FARS2: variants seen among roughly 807,000 people sequenced by gnomAD.
FARS2 encodes the protein phenylalanine--tRNA ligase, mitochondrial.
FARS2 carries 40 observed loss-of-function variants against 46.4 expected under a neutral mutation model. That is an observed-to-expected ratio of 0.86 (90% CI 0.67 to 1.12). The LOEUF (loss-of-function observed/expected upper bound fraction) is 1.12, where lower values mean the gene tolerates loss of function less well. Ranked by LOEUF, FARS2 falls within the 50% of genes most tolerant of loss-of-function variation. The pLI, the probability that FARS2 is intolerant of heterozygous loss-of-function variation, is 0.00. For synonymous variants in FARS2, 234 were observed against 214.9 expected, an observed-to-expected ratio of 1.09 and a Z score of -0.78; for missense variants, 513 against 567.9, an observed-to-expected ratio of 0.90 and a Z score of 0.98.
Position 5,343,221 on chromosome 6 carries a change from T to C in FARS2, c.-21-25329T>C, listed in dbSNP as rs981318185. ...TACATTTCATTTATTTATCTATTTA[T>C]TTATTTAGAGATGGAATTTCGCTCT... is the stretch of plus-strand genomic sequence containing the variant. On this transcript the variant is annotated intron_variant, in intron 1 of 6. Transcript: ENST00000274680. This position sits in a 1 kb window ranked among gnomAD's most constrained non-coding sequence, Gnocchi z 4.5. Among the ~76,000 whole-genome samples, 1 of 152,200 alleles carries C rather than the reference T, an allele frequency of 6.6e-6. No individual in the cohort carries two copies. The highest frequency in any genetic ancestry group is 2.4e-5 in the African/African-American group (1 of 41,438).
chr6:5,281,501 GT>G (rs1766720588), intron 1 of FARS2, among the ~76,000 whole-genome samples: 1 of 152,030 alleles, frequency 6.6e-6, no homozygotes, highest in East Asian at 1.9e-4. Context: ...CCATTTTTAA[GT>G]GTGCAGTTCA....
At chr6:5,725,233 T>A (rs1348379856) in intron 6 of FARS2, among the ~76,000 whole-genome samples, 2 of 152,170 alleles carry the variant, frequency 1.3e-5, no homozygotes, top group African/African-American at 4.8e-5. Context: ...GATGGCGTGA[T>A]GACTTTGAAC....
rs773648691 is a variant in FARS2, at chr6:5,404,710, T to C, written c.772+9T>C. 1.9e-6 allele frequency: 3 copies of C among 1,563,666 alleles called. No homozygotes were observed. Among genetic ancestry groups the C allele is most frequent in the South Asian group, 1.2e-5 (1 of 81,906 alleles). ...ACATCTTTTTGGAGATGGTAAGTGC[T>C]CAAACACAGGTTGACGATCTCTTAT... is the stretch of plus-strand genomic sequence containing the variant. On this transcript the variant is annotated intron_variant, in intron 3 of 6. Coordinates refer to ENST00000274680, the MANE Select transcript of FARS2 (RefSeq NM_006567.5).
At chr6:5,362,773 CAGGTGTA>C (rs768687849) in intron 1 of FARS2, among the ~76,000 whole-genome samples, 9 of 152,084 alleles carry the variant, frequency 5.9e-5, no homozygotes, top group Non-Finnish European at 1.0e-4. Flanking sequence ...GCGGTTCTAA[CAGGTGTA>C]AAGTGTATCT....
intron 5 of FARS2, among the ~76,000 whole-genome samples, chr6:5,578,414 C>T (rs1435844042): frequency 2.6e-5 from 4 of 152,076 alleles, no homozygotes. Flanking sequence ...GTGTGAATGG[C>T]TGTGAAAAAG....
At chr6:5,601,590 G>A (rs1257398443) in intron 5 of FARS2, among the ~76,000 whole-genome samples, 1 of 149,436 alleles carries the variant, frequency 6.7e-6, no homozygotes, top group Non-Finnish European at 1.5e-5. Context: ...GGGGTTAACA[G>A]CATAGCCTGG....
chr6:5,409,852 T>G (rs1037910151), intron 3 of FARS2, among the ~76,000 whole-genome samples: 3 of 152,214 alleles, frequency 2.0e-5, no homozygotes, highest in African/African-American at 7.2e-5. Context: ...CTGGTGTGTT[T>G]CTGCCGGTTG....
At chr6:5,622,467 G>T (rs1196897116) in intron 6 of FARS2, among the ~76,000 whole-genome samples, 2 of 152,210 alleles carry the variant, frequency 1.3e-5, no homozygotes, top group Non-Finnish European at 2.9e-5. Context: ...TGTCAAACAG[G>T]AATCTCTATT....
intron 4 of FARS2, among the ~76,000 whole-genome samples, chr6:5,472,827 CT>C (rs1213565258): frequency 6.6e-6 from 1 of 152,042 alleles, no homozygotes; most frequent in African/African-American, 2.4e-5. Flanking sequence ...AAAAAGAAGC[CT>C]TGTGATGTCA....
intron 1 of FARS2, among the ~76,000 whole-genome samples, chr6:5,331,721 T>G (rs1770811419): frequency 6.6e-6 from 1 of 152,042 alleles, no homozygotes; most frequent in Admixed American, 6.6e-5. Context: ...CTAAAAACAA[T>G]GTGTGGGAAA....
At chr6:5,468,612 C>T (rs1034909948) in intron 4 of FARS2, among the ~76,000 whole-genome samples, 1 of 152,174 alleles carries the variant, frequency 6.6e-6, no homozygotes, top group African/African-American at 2.4e-5. Context: ...AAGGTAATGA[C>T]ACTATTCTAA....
chr6:5,378,929 G>C (rs1447797177), intron 2 of FARS2, among the ~76,000 whole-genome samples: 1 of 152,208 alleles, frequency 6.6e-6, no homozygotes, highest in Non-Finnish European at 1.5e-5. Flanking sequence ...TGATTTGGAG[G>C]ACCGTTTGGA....
At chr6:5,407,578 C>T (rs1310737596) in intron 3 of FARS2, among the ~76,000 whole-genome samples, 1 of 151,556 alleles carries the variant, frequency 6.6e-6, no homozygotes, top group Non-Finnish European at 1.5e-5. Flanking sequence ...GGGGTGGAAA[C>T]CATGTTTCAA....
intron 6 of FARS2, among the ~76,000 whole-genome samples, chr6:5,648,415 C>G (rs781062328): frequency 6.6e-6 from 1 of 152,204 alleles, no homozygotes; most frequent in Non-Finnish European, 1.5e-5. Context: ...CAGCTTGTTT[C>G]TCTCCCTACC....
At chr6:5,708,781 C>T (rs1758923693) in intron 6 of FARS2, among the ~76,000 whole-genome samples, 1 of 152,172 alleles carries the variant, frequency 6.6e-6, no homozygotes, top group Non-Finnish European at 1.5e-5. Flanking sequence ...CCACCTCAGC[C>T]TCCTGAGTAG....
intron 5 of FARS2, among the ~76,000 whole-genome samples, chr6:5,590,151 G>A (rs185244408): frequency 1.3e-5 from 2 of 152,242 alleles, no homozygotes; most frequent in African/African-American, 4.8e-5. Context: ...TGTATTTAAA[G>A]TTGGTGGTGC....
intron 5 of FARS2, among the ~76,000 whole-genome samples, chr6:5,558,976 A>G (rs1282217236): frequency 1.3e-5 from 2 of 152,060 alleles, no homozygotes; most frequent in Non-Finnish European, 2.9e-5. Flanking sequence ...ATTTTGATTT[A>G]TTTTTAAAAT....
chr6:5,271,431 G>A (rs1303135683), intron 1 of FARS2, among the ~76,000 whole-genome samples: 2 of 152,124 alleles, frequency 1.3e-5, no homozygotes, highest in African/African-American at 2.4e-5. Context: ...CTAGCTCCTA[G>A]AGATAAAGGG....
intron 6 of FARS2, among the ~76,000 whole-genome samples, chr6:5,675,731 T>C (rs891806606): frequency 6.6e-6 from 1 of 152,186 alleles, no homozygotes; most frequent in African/African-American, 2.4e-5. Flanking sequence ...TTTACCAAAT[T>C]CAGTAAAAAT....
Sources: gnomAD v4.1 joint callset for allele counts (sites outside exome capture counted in the v4.1 genomes callset) on GRCh38, gnomAD v4.1.1 for gene constraint, Gnocchi (gnomAD v3.1) non-coding constraint, MANE v1.5 for transcripts, NCBI Gene and HGNC (gene_info 2026-07-23, HGNC 2026-07-21) for gene names.